The following MAP2 variants were observed in gnomAD, a reference collection of about 807,000 sequenced individuals.
MAP2 encodes microtubule associated protein 2.
In MAP2, 14 loss-of-function variants were observed where a neutral mutation model predicts 137.6. That is an observed-to-expected ratio of 0.10 (90% CI 0.07 to 0.16). The LOEUF (loss-of-function observed/expected upper bound fraction) is 0.16. Ranked by LOEUF, MAP2 falls within the 10% of genes least tolerant of loss-of-function variation. MAP2 has a pLI of 1.00. For missense variants in MAP2, 2,088 were observed against 2,191.5 expected (o/e 0.95, Z 0.94); for synonymous variants, 786 against 782.3 (o/e 1.00, Z -0.08).
intron 2 of MAP2, among the ~76,000 whole-genome samples, chr2:209,543,269 G>T (rs1559300120): frequency 6.6e-6 from 1 of 152,212 alleles, no homozygotes; most frequent in Non-Finnish European, 1.5e-5. Context: ...TCTGATGTGG[G>T]TGCAGTTTGT....
At chr2:209,575,038 A>G (rs1339016233) in intron 2 of MAP2, among the ~76,000 whole-genome samples, 1 of 152,220 alleles carries the variant, frequency 6.6e-6, no homozygotes, top group Non-Finnish European at 1.5e-5. Flanking sequence ...AAATCTAAAA[A>G]TTATAATTTA....
chr2:209,545,976 T>C (rs2067975122), intron 2 of MAP2, among the ~76,000 whole-genome samples: 1 of 151,988 alleles, frequency 6.6e-6, no homozygotes. Context: ...CCGTCTCTAC[T>C]AAAAAAATAC....
At chr2:209,467,043 A>T (rs896267128) in intron 1 of MAP2, among the ~76,000 whole-genome samples, 4 of 152,034 alleles carry the variant, frequency 2.6e-5, no homozygotes, top group African/African-American at 9.7e-5. Flanking sequence ...TTCTTGCCAA[A>T]TTTTCCTTAT....
intron 1 of MAP2, among the ~76,000 whole-genome samples, chr2:209,490,819 C>A (rs1278411968): frequency 1.3e-5 from 2 of 151,982 alleles, no homozygotes; most frequent in Non-Finnish European, 2.9e-5. Flanking sequence ...TAGAGACCTA[C>A]AAAGAGACTT....
At chr2:209,686,852 G>A (rs552983935) in intron 7 of MAP2, among the ~76,000 whole-genome samples, 2 of 152,172 alleles carry the variant, frequency 1.3e-5, no homozygotes, top group African/African-American at 4.8e-5. Context: ...GAAACTACAT[G>A]GAATAAAGTC....
chr2:209,706,253 G>C (rs912481008), intron 12 of MAP2, among the ~76,000 whole-genome samples: 2 of 152,050 alleles, frequency 1.3e-5, no homozygotes, highest in Non-Finnish European at 2.9e-5. Flanking sequence ...TTCATGAACT[G>C]ATTGGCAATT....
intron 2 of MAP2, among the ~76,000 whole-genome samples, chr2:209,528,891 T>C (rs1416414010): frequency 1.3e-5 from 2 of 150,588 alleles, no homozygotes; most frequent in Non-Finnish European, 3.0e-5. Context: ...TGTGTGTATA[T>C]ACATATATAT....
chr2:209,452,402 G>A (rs552347918), intron 1 of MAP2, among the ~76,000 whole-genome samples: 4 of 152,132 alleles, frequency 2.6e-5, no homozygotes, highest in Admixed American at 6.5e-5. Context: ...CTTTCCTATT[G>A]AGCATAGATC....
chr2:209,444,154 A>G lies in MAP2; in HGVS notation c.-222+19878A>G, dbSNP rs1387078408. Among the ~76,000 whole-genome samples the G allele has an allele frequency of 2.6e-5, 4 of 151,602 alleles. No individual in the cohort carries two copies. The East Asian group carries it at 5.8e-4, about 22-fold the overall frequency. Reference sequence around the variant, plus strand: ...TGGCAATAAATGATTTACCAAGCACATTAACCATTAACACCAGCAAAGTAG... The same window carrying G: ...TGGCAATAAATGATTTACCAAGCACGTTAACCATTAACACCAGCAAAGTAG... On this transcript the variant is annotated intron_variant, in intron 1 of 15. Coordinates refer to ENST00000682079, the MANE Select transcript of MAP2 (RefSeq NM_001375505.1).
chr2:209,428,885 T>C (rs1693332983), intron 1 of MAP2, among the ~76,000 whole-genome samples: 1 of 152,014 alleles, frequency 6.6e-6, no homozygotes, highest in African/African-American at 2.4e-5. Context: ...CTCGCCTCAA[T>C]GTGTCCTCAT....
chr2:209,485,484 A>G lies in MAP2; in HGVS notation c.-221-22108A>G, dbSNP rs561237026. On this transcript the variant is annotated intron_variant, in intron 1 of 15. Coordinates refer to ENST00000682079, the MANE Select transcript of MAP2 (RefSeq NM_001375505.1). ...AAAATTAGGTCATTTCTTTTCCTTTATTTCTGGATTGTTTTCTCCTGCATG... is the reference window on the plus strand; with the variant it reads ...AAAATTAGGTCATTTCTTTTCCTTTGTTTCTGGATTGTTTTCTCCTGCATG... 6.6e-4 allele frequency among the ~76,000 whole-genome samples: 101 copies of G among 152,092 alleles called. 1 individual carries two copies. The highest frequency in any genetic ancestry group is 2.3e-3 in the African/African-American group (95 of 41,498).
intron 6 of MAP2, 124 bp downstream of exon 6, chr2:209,678,809 C>T (rs561117643): frequency 2.9e-5 from 14 of 485,254 alleles, no homozygotes; most frequent in African/African-American, 2.6e-4. Flanking sequence ...ATTCATCAGA[C>T]ACCTTGACTG....
intron 13 of MAP2, among the ~76,000 whole-genome samples, chr2:209,723,012 C>A (rs1190177828): frequency 6.6e-6 from 1 of 152,168 alleles, no homozygotes; most frequent in Non-Finnish European, 1.5e-5. Context: ...ATTGTGAAAC[C>A]CAAAGTTTCT....
At chr2:209,683,299 T>C (rs933796480) in intron 7 of MAP2, among the ~76,000 whole-genome samples, 1 of 152,208 alleles carries the variant, frequency 6.6e-6, no homozygotes, top group Non-Finnish European at 1.5e-5. Flanking sequence ...TAATTCAAAG[T>C]TATTTTCAAG....
intron 2 of MAP2, chr2:209,579,278 C>CGTGT (rs1478195678): frequency 1.1e-4 from 10 of 88,084 alleles, no homozygotes; most frequent in Admixed American, 4.5e-4. Context: ...TGCGTGCGTG[C>CGTGT]GTGCGTGTGT....
intron 7 of MAP2, among the ~76,000 whole-genome samples, chr2:209,683,068 G>A (rs2153693494): frequency 6.6e-6 from 1 of 152,278 alleles, no homozygotes; most frequent in East Asian, 1.9e-4. Flanking sequence ...AGAAAGGGAA[G>A]AAGCAGAGTC....
intron 13 of MAP2, chr2:209,723,601 A>G: frequency 6.2e-7 from 1 of 1,608,944 alleles, no homozygotes. Flanking sequence ...TTAGGTTAGG[A>G]TTTTAAACAA....
At chr2:209,549,131 G>T (rs369184731) in intron 2 of MAP2, among the ~76,000 whole-genome samples, 1 of 152,126 alleles carries the variant, frequency 6.6e-6, no homozygotes, top group East Asian at 1.9e-4. Context: ...ATTGGTAAAG[G>T]CTTTCTCCTG....
intron 2 of MAP2, among the ~76,000 whole-genome samples, chr2:209,565,249 G>A (rs987779152): frequency 6.6e-6 from 1 of 152,038 alleles, no homozygotes; most frequent in African/African-American, 2.4e-5. Context: ...ACAGGAACTT[G>A]CTCTATCTCC....
Sources: allele counts gnomAD v4.1 joint callset (sites outside exome capture counted in the v4.1 genomes callset), GRCh38; gene constraint gnomAD v4.1.1; transcripts MANE v1.5; gene names NCBI Gene and HGNC (gene_info 2026-07-23, HGNC 2026-07-21).